The following AFAP1 variants were observed in gnomAD, a reference collection of about 807,000 sequenced individuals.
AFAP1 encodes the protein actin filament associated protein 1, also known as actin filament-associated protein 1.
AFAP1 carries 75 observed loss-of-function variants against 93.9 expected under a neutral mutation model. The observed-to-expected ratio is 0.80, with a 90% CI of 0.66 to 0.97. AFAP1 has a LOEUF of 0.97. AFAP1 is among the 50% of genes least tolerant of loss of function. AFAP1 has a pLI of 0.00. For synonymous variants in AFAP1, 517 were observed against 430.7 expected (o/e 1.20, Z -2.48); for missense variants, 1,201 against 1,050.8 (o/e 1.14, Z -1.98).
intron 4 of AFAP1, among the ~76,000 whole-genome samples, chr4:7,849,491 G>C (rs1387802044): frequency 1.3e-5 from 2 of 152,166 alleles, no homozygotes; most frequent in Non-Finnish European, 2.9e-5. Context: ...CAAAAGCCTT[G>C]GCCCTCTTTG....
chr4:7,837,628 G>A (rs2149104549), intron 6 of AFAP1, among the ~76,000 whole-genome samples: 1 of 152,264 alleles, frequency 6.6e-6, no homozygotes, highest in Non-Finnish European at 1.5e-5. Context: ...AGAACCCAGT[G>A]AACAGGAACA....
chr4:7,887,780 AT>A (rs1718215683), intron 1 of AFAP1, among the ~76,000 whole-genome samples: 1 of 152,128 alleles, frequency 6.6e-6, no homozygotes, highest in African/African-American at 2.4e-5. Flanking sequence ...CGATTATGCT[AT>A]TATAGTTTTT....
At chr4:7,806,276 T>A (rs1577232998) in intron 9 of AFAP1, among the ~76,000 whole-genome samples, 2 of 152,320 alleles carry the variant, frequency 1.3e-5, no homozygotes, top group Admixed American at 1.3e-4. Context: ...GCCACATTAA[T>A]ATGAAAGGCA....
chr4:7,825,514 A>G (rs1255429209), intron 6 of AFAP1, among the ~76,000 whole-genome samples: 1 of 152,230 alleles, frequency 6.6e-6, no homozygotes, highest in Non-Finnish European at 1.5e-5. Flanking sequence ...GAAGAAATCA[A>G]GACAGAAATT....
intron 3 of AFAP1, chr4:7,862,031 A>G (rs567549100): frequency 2.0e-5 from 3 of 152,344 alleles, no homozygotes; most frequent in African/African-American, 7.2e-5. Context: ...AACGCCTGGT[A>G]TCAAAACTTC....
chr4:7,885,847 C>T (rs758893595), intron 1 of AFAP1, among the ~76,000 whole-genome samples: 3 of 152,158 alleles, frequency 2.0e-5, no homozygotes, highest in Non-Finnish European at 2.9e-5. Context: ...AAGTTGATCA[C>T]CACCTGTTCA....
chr4:7,896,129 A>G (rs111866144), intron 1 of AFAP1, among the ~76,000 whole-genome samples: 2,900 of 152,168 alleles, frequency 0.019, 92 homozygotes, highest in African/African-American at 0.066. Context: ...CCAAACTGGG[A>G]TTACAGCCAC....
chr4:7,823,812 G>T (rs1241278274), intron 6 of AFAP1, among the ~76,000 whole-genome samples: 3 of 152,184 alleles, frequency 2.0e-5, no homozygotes, highest in African/African-American at 4.8e-5. Flanking sequence ...CAGTGCTTGG[G>T]AGGATCGCAT....
chr4:7,918,314 C>T (rs1720209717), intron 1 of AFAP1, among the ~76,000 whole-genome samples: 1 of 143,500 alleles, frequency 7.0e-6, no homozygotes, highest in South Asian at 2.3e-4. Context: ...GGATGAGACA[C>T]TCAGCCCAGG....
chr4:7,887,181 G>A (rs1718185714), intron 1 of AFAP1, among the ~76,000 whole-genome samples: 1 of 152,142 alleles, frequency 6.6e-6, no homozygotes, highest in Non-Finnish European at 1.5e-5. Flanking sequence ...TCAAGAGAGG[G>A]CAAAGAATGA....
chr4:7,868,562 G>A lies in AFAP1; in HGVS notation c.225+60C>T, dbSNP rs1393458787. 3 of 1,490,144 alleles carry A rather than the reference G, an allele frequency of 2.0e-6. No homozygotes were observed. The South Asian group carries it at 3.6e-5, about 18-fold the overall frequency. 92.3% of individuals were successfully genotyped at this position (1,490,144 alleles called of 1,614,324 possible). A position where few individuals can be genotyped will look rare whatever the true frequency, so the allele number is the denominator to read the frequency against. ...CGGGCTTCCATCACAGGCCCCTGGA[G>A]CCCGTAAGTACCCCCAGGCCTCCAG... On this transcript the variant is annotated intron_variant, in intron 3 of 17. Transcript: ENST00000420658.
At chr4:7,792,321 G>A (rs2149007715) in intron 11 of AFAP1, among the ~76,000 whole-genome samples, 1 of 151,822 alleles carries the variant, frequency 6.6e-6, no homozygotes, top group Non-Finnish European at 1.5e-5. Context: ...TCTTTCAAAT[G>A]TTGACCCCTT....
At chr4:7,918,539 CAAGAAACAGGGCTGCCAGATGAGA>C (rs1720227715) in intron 1 of AFAP1, among the ~76,000 whole-genome samples, 1 of 132,096 alleles carries the variant, frequency 7.6e-6, no homozygotes, top group Admixed American at 7.8e-5. Flanking sequence ...CCCAGGTCAC[CAAGAAACAGGGCTGCCAGATGAGA>C]CACTCGGCCC....
At chr4:7,914,239 G>C (rs1056967089) in intron 1 of AFAP1, among the ~76,000 whole-genome samples, 1 of 152,070 alleles carries the variant, frequency 6.6e-6, no homozygotes, top group South Asian at 2.1e-4. Context: ...ATTTTTAGTA[G>C]AGACGGGGTT....
rs1037718454 is a variant in AFAP1 at position 7,939,440 on chromosome 4, C to G, written c.-3+216G>C. The G allele has an allele frequency of 2.0e-5, 6 of 296,932 alleles. No individual in the cohort carries two copies. The highest frequency in any genetic ancestry group is 2.6e-5 in the Non-Finnish European group (4 of 154,096). The allele number at this position is 296,932 out of a possible 1,614,324, so 18.4% of individuals were successfully genotyped here. On this transcript the variant is annotated intron_variant, in intron 1 of 17. Transcript: ENST00000420658. The surrounding 1 kb of genome is among the most constrained non-coding windows in gnomAD (Gnocchi z 5.6). ...CGGGCAGACGCGGGGAGCTGGGGAG[C>G]AGTGGGGACCGGCCCCCACCCGCAG...
chr4:7,798,884 C>G, intron 10 of AFAP1: 2 of 989,656 alleles, frequency 2.0e-6, no homozygotes, highest in Non-Finnish European at 2.4e-6. Flanking sequence ...TCTCCCTCTT[C>G]ATTCCTGTAT....
At chr4:7,820,667 G>A (rs78512616) in intron 6 of AFAP1, among the ~76,000 whole-genome samples, 5,954 of 152,244 alleles carry the variant, frequency 0.039, 131 homozygotes, top group Middle Eastern at 0.078. Context: ...AGTGGGGGAG[G>A]AGGAGATGAG....
Position 7,763,536 on chromosome 4 carries a change from T to C in AFAP1, c.*229A>G. On this transcript the variant is annotated 3_prime_UTR_variant, in exon 18 of 18. Coordinates refer to ENST00000420658, the MANE Select transcript of AFAP1 (RefSeq NM_001134647.2). Reference sequence around the variant, plus strand: ...CACCTTTCCATCACTTTTTTTGTTTTTTAACAAAGTTGGGAACCAAAGTCT... The same window carrying C: ...CACCTTTCCATCACTTTTTTTGTTTCTTAACAAAGTTGGGAACCAAAGTCT... The C allele has an allele frequency of 1.8e-6, 1 of 560,552 alleles. No homozygotes were observed. Among genetic ancestry groups the C allele is most frequent in the Non-Finnish European group, 3.1e-6 (1 of 319,444 alleles). 34.7% of individuals were successfully genotyped at this position (560,552 alleles called of 1,614,324 possible).
At chr4:7,810,579 G>A (rs1329821769) in intron 8 of AFAP1, among the ~76,000 whole-genome samples, 2 of 152,200 alleles carry the variant, frequency 1.3e-5, no homozygotes, top group Non-Finnish European at 2.9e-5. Context: ...CCTATGCAGA[G>A]CTCTCAGACC....
Sources: allele counts gnomAD v4.1 joint callset (sites outside exome capture counted in the v4.1 genomes callset), GRCh38; gene constraint gnomAD v4.1.1; non-coding constraint Gnocchi (gnomAD v3.1); transcripts MANE v1.5; gene names NCBI Gene and HGNC (gene_info 2026-07-23, HGNC 2026-07-21).